Variants in ARHGEF7 observed in about 807,000 individuals in gnomAD.
ARHGEF7 encodes PAK-interacting exchange factor beta.
A neutral mutation model predicts 109.8 loss-of-function variants in ARHGEF7; 33 were observed. The observed-to-expected ratio is 0.30, with a 90% CI of 0.23 to 0.40. ARHGEF7 has a LOEUF of 0.40. Among genes scored for constraint, ARHGEF7 ranks in the 10% least tolerant of loss-of-function variants. The probability of loss-of-function intolerance (pLI) is 1.00; values close to 1 mark genes in which losing one functional copy is unlikely to be tolerated. For missense variants in ARHGEF7, 938 were observed against 1,098.5 expected (o/e 0.85, Z 2.07); for synonymous variants, 458 against 424.6 (o/e 1.08, Z -0.97).
chr13:111,172,232 T>A (rs2077669354), intron 2 of ARHGEF7, among the ~76,000 whole-genome samples: 1 of 152,216 alleles, frequency 6.6e-6, no homozygotes, highest in African/African-American at 2.4e-5. Flanking sequence ...ATCAGTGCTC[T>A]AGGGGCCTTT....
chr13:111,202,990 T>C, intron 2 of ARHGEF7: 1 of 1,051,796 alleles, frequency 9.5e-7, no homozygotes, highest in Non-Finnish European at 1.2e-6. Context: ...GTGGGCAGTT[T>C]CAGCCAATCA....
intron 6 of ARHGEF7, among the ~76,000 whole-genome samples, chr13:111,234,822 C>T (rs569052666): frequency 1.3e-5 from 2 of 152,178 alleles, no homozygotes; most frequent in South Asian, 2.1e-4. Flanking sequence ...CCTTTTAGCG[C>T]GTCGTGTGGC....
chr13:111,193,996 G>T (rs1422047465), intron 2 of ARHGEF7, among the ~76,000 whole-genome samples: 1 of 152,148 alleles, frequency 6.6e-6, no homozygotes, highest in Non-Finnish European at 1.5e-5. Context: ...ACTTCCTTTG[G>T]CACCTAGTAT....
rs186307177 is a variant in ARHGEF7 at position 111,149,370 on chromosome 13, T to A, written c.166-4535T>A. Among the ~76,000 whole-genome samples, 82 of 152,136 alleles carry A rather than the reference T, an allele frequency of 5.4e-4. 1 individual carries two copies. Among genetic ancestry groups the A allele is most frequent in the Middle Eastern group, 6.8e-3 (2 of 294 alleles). ...ATCATTTGTGTACTCATAATAGTTGTGTTAACTCAGTTCAGAAAAAAATCA... is the reference window on the plus strand; with the variant it reads ...ATCATTTGTGTACTCATAATAGTTGAGTTAACTCAGTTCAGAAAAAAATCA... On this transcript the variant is annotated intron_variant, in intron 1 of 21. Coordinates refer to ENST00000646102, the MANE Select transcript of ARHGEF7 (RefSeq NM_001354046.2).
At chr13:111,159,877 T>C (rs780509584) in intron 2 of ARHGEF7, among the ~76,000 whole-genome samples, 2 of 152,110 alleles carry the variant, frequency 1.3e-5, no homozygotes, top group Non-Finnish European at 2.9e-5. Flanking sequence ...ATTTATCTTA[T>C]TTTTGCCTCT....
chr13:111,138,205 CG>C (rs1449942289), intron 1 of ARHGEF7, among the ~76,000 whole-genome samples: 11 of 151,970 alleles, frequency 7.2e-5, no homozygotes, highest in Non-Finnish European at 1.3e-4. Context: ...CCCAGCTACT[CG>C]GGGGGCTAAG....
chr13:111,134,800 A>T (rs1302812289), intron 1 of ARHGEF7, among the ~76,000 whole-genome samples: 1 of 152,144 alleles, frequency 6.6e-6, no homozygotes, highest in East Asian at 1.9e-4. Context: ...TAGTTTAATT[A>T]GATCCCATTT....
chr13:111,171,866 G>A (rs1262998979), intron 2 of ARHGEF7, among the ~76,000 whole-genome samples: 1 of 152,180 alleles, frequency 6.6e-6, no homozygotes, highest in African/African-American at 2.4e-5. Flanking sequence ...TATAAAAGAG[G>A]CCTCAGAGAG....
intron 1 of ARHGEF7, among the ~76,000 whole-genome samples, chr13:111,146,312 AAATCCAAATTCTTGG>A (rs1306567031): frequency 6.6e-6 from 1 of 152,230 alleles, no homozygotes; most frequent in Non-Finnish European, 1.5e-5. Flanking sequence ...AACTTGTTGG[AAATCCAAATTCTTGG>A]GTTCCACCCC....
chr13:111,186,885 G>A (rs923118583), intron 2 of ARHGEF7: 2 of 985,332 alleles, frequency 2.0e-6, no homozygotes, highest in Admixed American at 6.1e-5. Flanking sequence ...GCAAAAAGAC[G>A]ACTACTTCTT....
At chr13:111,120,155 A>C (rs2067084999) in intron 1 of ARHGEF7, among the ~76,000 whole-genome samples, 3 of 152,242 alleles carry the variant, frequency 2.0e-5, no homozygotes, top group Admixed American at 6.5e-5. Context: ...GTCCTGTCTC[A>C]ACCCTGAACC....
chr13:111,133,386 A>C (rs1314850841), intron 1 of ARHGEF7, among the ~76,000 whole-genome samples: 1 of 152,044 alleles, frequency 6.6e-6, no homozygotes, highest in Admixed American at 6.5e-5. Context: ...ATCTATACAC[A>C]TGTTGATACA....
intron 9 of ARHGEF7, among the ~76,000 whole-genome samples, chr13:111,268,010 C>T (rs373428728): frequency 3.3e-5 from 5 of 152,198 alleles, no homozygotes; most frequent in African/African-American, 9.6e-5. Flanking sequence ...TACATGAGTC[C>T]GAGTTACATC....
At chr13:111,218,336 T>G (rs572152521) in intron 5 of ARHGEF7, among the ~76,000 whole-genome samples, 3 of 152,308 alleles carry the variant, frequency 2.0e-5, no homozygotes, top group East Asian at 3.9e-4. Flanking sequence ...ATTGCTTCCT[T>G]ATGTTTTGTA....
At chr13:111,252,937 G>A (rs1207135881) in intron 8 of ARHGEF7, among the ~76,000 whole-genome samples, 1 of 152,266 alleles carries the variant, frequency 6.6e-6, no homozygotes, top group Non-Finnish European at 1.5e-5. Flanking sequence ...AGGCCTGGCA[G>A]CTTCTCACCC....
At chr13:111,285,069 G>A (rs1221340597) in intron 16 of ARHGEF7, among the ~76,000 whole-genome samples, 6 of 152,128 alleles carry the variant, frequency 3.9e-5, no homozygotes, top group Admixed American at 1.3e-4. Context: ...AGTTTGTTAC[G>A]TGGCTGTATT....
At position 111,234,585 on chromosome 13, in the gene ARHGEF7, G is replaced by A. The variant is rs140382085; in HGVS notation, c.759+1292G>A. Among the ~76,000 whole-genome samples the A allele has an allele frequency of 7.9e-3, 1,209 of 152,118 alleles. 11 individuals carry two copies. Among genetic ancestry groups the A allele is most frequent in the Middle Eastern group, 0.034 (10 of 294 alleles). ...TTCTTTTTCATAATTTGACATCTGT[G>A]CACCTTCTTGTGAGCAGGTCTCCTC... On this transcript the variant is annotated intron_variant, in intron 6 of 21. Transcript: ENST00000646102.
At chr13:111,210,334 T>C (rs780755036) in intron 4 of ARHGEF7, among the ~76,000 whole-genome samples, 6 of 152,124 alleles carry the variant, frequency 3.9e-5, no homozygotes, top group Non-Finnish European at 7.4e-5. Flanking sequence ...TACAGAAATA[T>C]TGAGAATAAG....
chr13:111,236,736 T>G (rs2086890999), intron 6 of ARHGEF7, among the ~76,000 whole-genome samples: 1 of 152,098 alleles, frequency 6.6e-6, no homozygotes. Flanking sequence ...GGAGGCCTAG[T>G]AGGGAGGATT....
Sources: gnomAD v4.1 joint callset for allele counts (sites outside exome capture counted in the v4.1 genomes callset) on GRCh38, gnomAD v4.1.1 for gene constraint, MANE v1.5 for transcripts, NCBI Gene and HGNC (gene_info 2026-07-23, HGNC 2026-07-21) for gene names.